SNX24: variants seen among roughly 807,000 people sequenced by gnomAD.
SNX24 encodes sorting nexin-24.
A neutral mutation model predicts 28.7 loss-of-function variants in SNX24; 22 were observed. That is an observed-to-expected ratio of 0.77 (90% confidence interval 0.55 to 1.10). The LOEUF (loss-of-function observed/expected upper bound fraction) is 1.10, where lower values mean the gene tolerates loss of function less well. Among genes scored for constraint, SNX24 ranks in the 50% least tolerant of loss-of-function variants. The pLI, the probability that SNX24 is intolerant of heterozygous loss-of-function variation, is 0.00. For synonymous variants in SNX24, 69 were observed against 71.5 expected, an observed-to-expected ratio of 0.96 and a Z score of 0.18; for missense variants, 221 against 201.1, an observed-to-expected ratio of 1.10 and a Z score of -0.60.
At position 122,999,125 on chromosome 5, in the gene SNX24, A is replaced by G. The variant is rs138074780; in HGVS notation, c.250-787A>G. 5.9e-5 allele frequency among the ~76,000 whole-genome samples: 9 copies of G among 152,330 alleles called. No individual in the cohort carries two copies. The East Asian group carries it at 1.5e-3, about 26-fold the overall frequency. On this transcript the variant is annotated intron_variant, in intron 3 of 6. Transcript: ENST00000261369. ...TCTGGTAGACTTTAAAAATACATAG[A>G]TAAGAAGATACATACTTCTTTGTCA...
At chr5:122,880,176 C>T (rs1756412196) in intron 1 of SNX24, among the ~76,000 whole-genome samples, 1 of 152,118 alleles carries the variant, frequency 6.6e-6, no homozygotes, top group Non-Finnish European at 1.5e-5. Flanking sequence ...TCCTTAGGAG[C>T]TGCCTTAGAA....
rs552686159 is a variant in SNX24 at position 122,973,624 on chromosome 5, C to T, written c.250-26288C>T. On this transcript the variant is annotated intron_variant, in intron 3 of 6. Transcript: ENST00000261369. Reference sequence around the variant, plus strand: ...TTCAGGACCTGCTCAAGCCTGATTACGTATATATCACTTCCATTTAATGGT... The same window carrying T: ...TTCAGGACCTGCTCAAGCCTGATTATGTATATATCACTTCCATTTAATGGT... Among the ~76,000 whole-genome samples, 10 of 152,282 alleles carry T rather than the reference C, an allele frequency of 6.6e-5. No individual in the cohort carries two copies. The East Asian group carries it at 7.7e-4, about 12-fold the overall frequency.
rs1248209135 is a variant in SNX24, at chr5:123,000,005, G to C, written c.343G>C (p.Gly115Arg). 6.3e-7 allele frequency: 1 copy of C among 1,586,690 alleles called. No homozygotes were observed. The highest frequency in any genetic ancestry group is 8.7e-7 in the Non-Finnish European group (1 of 1,155,348). The change falls in exon 4 of 7, where the codon GGA (glycine) becomes CGA (arginine). Residue 115 changes from glycine to arginine, a missense_variant and splice_region_variant. By Grantham distance (125) the Gly-to-Arg change is moderately radical (BLOSUM62 -2). Transcript: ENST00000261369. ...LPSLPKAESC[G>R]SFDETESEES... ...CTCTCTACCAAAGGCAGAAAGTTGT[G>C]GGTAAGAATCATGTTTGCATATTGG...
chr5:122,889,608 C>CACACACATATATAT (rs1756862024), intron 1 of SNX24, among the ~76,000 whole-genome samples: 1 of 91,186 alleles, frequency 1.1e-5, no homozygotes, highest in Admixed American at 1.3e-4. Context: ...TATATATATA[C>CACACACATATATAT]ACACATATAT....
At chr5:122,940,524 T>A (rs576924792) in intron 2 of SNX24, among the ~76,000 whole-genome samples, 97 of 152,302 alleles carry the variant, frequency 6.4e-4, no homozygotes, top group Non-Finnish European at 1.1e-3. Flanking sequence ...TGTATGAGTT[T>A]CCTATTGCTG....
At chr5:122,968,583 G>A (rs1285664728) in intron 3 of SNX24, among the ~76,000 whole-genome samples, 1 of 152,190 alleles carries the variant, frequency 6.6e-6, no homozygotes, top group Non-Finnish European at 1.5e-5. Flanking sequence ...GATTTAGCAA[G>A]TGCAGTTGTT....
At chr5:122,964,247 C>CAAAAAAAAAAAAAAAAAAAAAAAAA (rs34174497) in intron 3 of SNX24, among the ~76,000 whole-genome samples, 35 of 36,576 alleles carry the variant, frequency 9.6e-4, no homozygotes, top group Non-Finnish European at 1.6e-3. Flanking sequence ...GACTCCATCT[C>CAAAAAAAAAAAAAAAAAAAAAAAAA]AAAAAAAAAA....
intron 2 of SNX24, among the ~76,000 whole-genome samples, chr5:122,938,324 A>G (rs1247434193): frequency 6.6e-6 from 1 of 152,196 alleles, no homozygotes. Flanking sequence ...AAAAAATCCT[A>G]GATTTTCCAG....
chr5:122,919,689 T>C (rs1758334370), intron 1 of SNX24, among the ~76,000 whole-genome samples: 1 of 152,108 alleles, frequency 6.6e-6, no homozygotes, highest in African/African-American at 2.4e-5. Context: ...TTAATTGAAA[T>C]AAGCAACACT....
intron 3 of SNX24, among the ~76,000 whole-genome samples, chr5:122,973,083 C>G (rs140249938): frequency 2.1e-3 from 316 of 152,312 alleles, no homozygotes; most frequent in African/African-American, 7.3e-3. Context: ...TTAAAATGCT[C>G]CTCTGCTGAG....
At chr5:122,864,029 A>T (rs1755606136) in intron 1 of SNX24, among the ~76,000 whole-genome samples, 1 of 152,254 alleles carries the variant, frequency 6.6e-6, no homozygotes, top group Admixed American at 6.5e-5. Context: ...CCAAGGACAC[A>T]GTAGCAAAAA....
At chr5:122,928,384 A>G (rs904975485) in intron 1 of SNX24, among the ~76,000 whole-genome samples, 3 of 152,218 alleles carry the variant, frequency 2.0e-5, no homozygotes, top group Non-Finnish European at 1.5e-5. Context: ...GGACTTGGTA[A>G]AAGAGTTTAA....
At chr5:122,903,283 T>A (rs1757514705) in intron 1 of SNX24, among the ~76,000 whole-genome samples, 1 of 152,040 alleles carries the variant, frequency 6.6e-6, no homozygotes, top group African/African-American at 2.4e-5. Context: ...AATATTCGTA[T>A]TTTTTTAAAT....
chr5:122,853,638 C>A, intron 1 of SNX24: 2 of 361,634 alleles, frequency 5.5e-6, no homozygotes, highest in East Asian at 8.3e-5. Context: ...ATGTTATTTT[C>A]AAATTTATGT....
chr5:122,942,677 TA>T (rs896328919), intron 2 of SNX24, among the ~76,000 whole-genome samples: 24 of 152,192 alleles, frequency 1.6e-4, no homozygotes, highest in African/African-American at 5.8e-4. Context: ...TGGAATCTGG[TA>T]CTTATCTGCG....
rs10571884 is a variant in SNX24, at chr5:122,889,626, C to CAT, written c.60+43945_60+43946dup. Among the ~76,000 whole-genome samples the CAT allele has an allele frequency of 4.2e-3, 610 of 144,890 alleles. 9 individuals are homozygous for CAT. Among genetic ancestry groups the CAT allele is most frequent in the Non-Finnish European group, 4.9e-3 (327 of 66,670 alleles). ...ATATATACACACATATATATATACA[C>CAT]ATATATATATATACACATACATATG... is the stretch of plus-strand genomic sequence containing the variant. On this transcript the variant is annotated intron_variant, in intron 1 of 6. Coordinates refer to ENST00000261369, the MANE Select transcript of SNX24 (RefSeq NM_014035.4).
intron 1 of SNX24, among the ~76,000 whole-genome samples, chr5:122,888,657 G>GAT (rs1561550429): frequency 6.6e-6 from 1 of 152,034 alleles, no homozygotes; most frequent in African/African-American, 2.4e-5. Flanking sequence ...TGCTGCCTCC[G>GAT]ATATGCAGCT....
chr5:122,900,443 A>G (rs942558789), intron 1 of SNX24, among the ~76,000 whole-genome samples: 1 of 152,132 alleles, frequency 6.6e-6, no homozygotes, highest in Non-Finnish European at 1.5e-5. Context: ...TTCATTCTAT[A>G]TGGCCATGTA....
intron 1 of SNX24, among the ~76,000 whole-genome samples, chr5:122,851,157 T>C (rs1313053906): frequency 6.6e-6 from 1 of 151,994 alleles, no homozygotes; most frequent in East Asian, 1.9e-4. Flanking sequence ...TAGACTTGAG[T>C]TTTTTGGTTT....
Sources: gnomAD v4.1 joint callset for allele counts (sites outside exome capture counted in the v4.1 genomes callset) on GRCh38, gnomAD v4.1.1 for gene constraint, MANE v1.5 for transcripts, NCBI Gene and HGNC (gene_info 2026-07-23, HGNC 2026-07-21) for gene names.